The following MYO7B variants were observed in gnomAD, a reference collection of about 807,000 sequenced individuals.
MYO7B encodes the protein myosin VIIB.
MYO7B carries 212 observed loss-of-function variants against 259.7 expected under a neutral mutation model. That is an observed-to-expected ratio of 0.82 (90% CI 0.73 to 0.91). The LOEUF (loss-of-function observed/expected upper bound fraction) is 0.91, where lower values mean the gene tolerates loss of function less well. Ranked by LOEUF, MYO7B falls within the 40% of genes least tolerant of loss-of-function variation. MYO7B has a pLI of 0.00. For missense variants in MYO7B, 2,732 were observed against 2,813.5 expected, an observed-to-expected ratio of 0.97 and a Z score of 0.66; for synonymous variants, 1,197 against 1,166.4, an observed-to-expected ratio of 1.03 and a Z score of -0.54.
chr2:127,575,926 A>T (rs1678849210), intron 7 of MYO7B, among the ~76,000 whole-genome samples: 1 of 152,166 alleles, frequency 6.6e-6, no homozygotes, highest in African/African-American at 2.4e-5. Flanking sequence ...ATCTTTTAAC[A>T]CTACTGCATA....
chr2:127,574,515 G>A (rs1678784849), intron 7 of MYO7B, among the ~76,000 whole-genome samples: 1 of 152,222 alleles, frequency 6.6e-6, no homozygotes, highest in Non-Finnish European at 1.5e-5. Flanking sequence ...ACTCCAGCCT[G>A]GGCAACAGAG....
intron 27 of MYO7B, among the ~76,000 whole-genome samples, chr2:127,621,105 G>A (rs1032607854): frequency 1.3e-5 from 2 of 152,120 alleles, no homozygotes; most frequent in Non-Finnish European, 2.9e-5. Flanking sequence ...AGCCATCTGC[G>A]CATGGCACTC....
rs1164842409 is a variant in MYO7B, at chr2:127,592,803, C to A, written c.2002C>A (p.Arg668=). 1.9e-6 allele frequency: 3 copies of A among 1,609,956 alleles called. No individual in the cohort carries two copies. Among genetic ancestry groups the A allele is most frequent in the African/African-American group, 2.7e-5 (2 of 74,848 alleles). Residue 668 remains arginine, a synonymous_variant, in exon 17 of 48, where the codon CGG becomes AGG. Coordinates refer to ENST00000409816, the MANE Select transcript of MYO7B (RefSeq NM_001393586.1). ...NEYKKPLLFD[R]ELCLRQLRYS... is the part of the protein sequence containing the mutation. Reference sequence around the variant, plus strand: ...CGGTGTCCGCCCACAGCTGTTCGACCGGGAGCTGTGCCTGCGGCAGCTGCG... The same window carrying A: ...CGGTGTCCGCCCACAGCTGTTCGACAGGGAGCTGTGCCTGCGGCAGCTGCG...
At chr2:127,547,796 C>A (rs992844686) in intron 1 of MYO7B, among the ~76,000 whole-genome samples, 29 of 152,240 alleles carry the variant, frequency 1.9e-4, no homozygotes, top group Non-Finnish European at 3.1e-4. Context: ...CTTTTAATGT[C>A]TTTATCTCAT....
rs187963247 is a variant in MYO7B, at chr2:127,576,991, G to C, written c.849+283G>C. On this transcript the variant is annotated intron_variant, in intron 8 of 47. Transcript: ENST00000409816. The surrounding 1 kb of genome is among the most constrained non-coding windows in gnomAD (Gnocchi z 4.9). The stretch of plus-strand genomic sequence containing the variant: ...GGTCCCCACTGGATGACAGGCTCCC[G>C]GTGCCCAGTGGGCCACAGGGAGTTG... Among the ~76,000 whole-genome samples, 501 of 152,014 alleles carry C rather than the reference G, an allele frequency of 3.3e-3. 2 individuals carry two copies. Among genetic ancestry groups the C allele is most frequent in the African/African-American group, 0.012 (479 of 41,458 alleles).
At chr2:127,556,018 G>T (rs568505410) in intron 1 of MYO7B, among the ~76,000 whole-genome samples, 1 of 152,222 alleles carries the variant, frequency 6.6e-6, no homozygotes, top group Non-Finnish European at 1.5e-5. Flanking sequence ...GCTATTAATT[G>T]TGTTGCTGCT....
intron 24 of MYO7B, 108 bp from the exon 25 acceptor site, chr2:127,612,141 GA>G: frequency 2.1e-6 from 1 of 466,950 alleles, no homozygotes; most frequent in Non-Finnish European, 4.2e-6. Flanking sequence ...ATCGGGCCAG[GA>G]AATGGCTGGG....
rs182999287 is a variant in MYO7B, at chr2:127,551,302, T to C, written c.-23-8398T>C. Among the ~76,000 whole-genome samples the C allele has an allele frequency of 2.8e-3, 433 of 152,306 alleles. 4 individuals carry two copies. Among genetic ancestry groups the C allele is most frequent in the African/African-American group, 9.8e-3 (408 of 41,566 alleles). On this transcript the variant is annotated intron_variant, in intron 1 of 47. Coordinates refer to ENST00000409816, the MANE Select transcript of MYO7B (RefSeq NM_001393586.1). The stretch of plus-strand genomic sequence containing the variant: ...TGACTATAAAATTGTCGTCACAATG[T>C]TGGCTGAGCTATGGTGATCTGAAGC...
intron 21 of MYO7B, among the ~76,000 whole-genome samples, chr2:127,608,244 G>T (rs922038992): frequency 2.0e-5 from 3 of 152,212 alleles, no homozygotes; most frequent in Non-Finnish European, 4.4e-5. Context: ...CCATAGACAC[G>T]TCAGCAGCAT....
chr2:127,612,229 G>A (rs759257993), intron 24 of MYO7B, 21 bp from the exon 25 acceptor site: 50 of 603,922 alleles, frequency 8.3e-5, no homozygotes, highest in Admixed American at 2.2e-4. Context: ...ACCTTCCTGC[G>A]GGAACTGTCT....
intron 29 of MYO7B, 129 bp downstream of exon 29, chr2:127,623,504 G>C: frequency 1.0e-6 from 1 of 1,003,516 alleles, no homozygotes; most frequent in South Asian, 1.7e-5. Context: ...GCACAGCACT[G>C]CTTACCCTCC....
intron 6 of MYO7B, 42 bp downstream of exon 6, chr2:127,569,952 C>G (rs1223622795): frequency 6.3e-7 from 1 of 1,584,222 alleles, no homozygotes; most frequent in Non-Finnish European, 8.6e-7. Flanking sequence ...CCCAGCCCCC[C>G]TGGAGCCTTC....
chr2:127,584,859 G>A lies in MYO7B; in HGVS notation c.1636G>A (p.Asp546Asn). 1 of 1,613,912 alleles carries A rather than the reference G, an allele frequency of 6.2e-7. No homozygotes were observed. ...KAFLQPKNIH[D>N]ARFGIAHFAG... ...CTTCCTACAGCCCAAGAACATCCAC[G>A]ATGCCAGATTTGGCATTGCCCATTT... Residue 546 changes from aspartate (D) to asparagine (N), a missense_variant, in exon 14 of 48, where the codon GAT (aspartate) becomes AAT (asparagine). Asp to Asn is a conservative substitution (Grantham distance 23, BLOSUM62 1). Transcript: ENST00000409816. This position sits in a 1 kb window ranked among gnomAD's most constrained non-coding sequence, Gnocchi z 5.8.
rs1353260828 is a variant in MYO7B at position 127,634,269 on chromosome 2, T to C, written c.5605T>C (p.Phe1869Leu). 6.3e-7 allele frequency: 1 copy of C among 1,582,350 alleles called. No individual in the cohort carries two copies. The highest frequency in any genetic ancestry group is 1.4e-5 in the African/African-American group (1 of 73,272). ...QLASWEGCSLFIKISDKVISQ... is the reference protein window; with the variant it reads ...QLASWEGCSLLIKISDKVISQ... ...GGCCTCCTGGGAGGGCTGCAGCCTC[T>C]TCATCAAGATTTCAGACAAGGTGGG... is the stretch of plus-strand genomic sequence containing the variant. The change falls in exon 41 of 48, where the codon TTC becomes CTC. Residue 1869 changes from phenylalanine to leucine, a missense_variant. Coordinates refer to ENST00000409816, the MANE Select transcript of MYO7B (RefSeq NM_001393586.1).
At position 127,631,700 on chromosome 2, in the gene MYO7B, C is replaced by G. The variant is rs1290956503; in HGVS notation, c.5196C>G (p.Leu1732=). ...IFTLALQHPA[L]QDEVYCQILK... is the part of the protein sequence containing the mutation. ...CACTGGCCCTGCAGCACCCGGCCCT[C>G]CAGGACGAGGTCTACTGCCAGATCC... is the stretch of plus-strand genomic sequence containing the variant. The change falls in exon 38 of 48, where the codon CTC becomes CTG. Residue 1732 remains leucine, a synonymous_variant. Coordinates refer to ENST00000409816, the MANE Select transcript of MYO7B (RefSeq NM_001393586.1). 3 of 1,612,916 alleles carry G rather than the reference C, an allele frequency of 1.9e-6. No homozygotes were observed. The highest frequency in any genetic ancestry group is 2.7e-5 in the African/African-American group (2 of 74,940).
chr2:127,574,604 C>T (rs150855377), intron 7 of MYO7B, among the ~76,000 whole-genome samples: 136 of 152,344 alleles, frequency 8.9e-4, no homozygotes, highest in African/African-American at 3.1e-3. Context: ...TTGGTGCCTA[C>T]CATTCCTCAT....
At chr2:127,596,875 G>A (rs1679791836) in intron 19 of MYO7B, among the ~76,000 whole-genome samples, 1 of 152,260 alleles carries the variant, frequency 6.6e-6, no homozygotes, top group Non-Finnish European at 1.5e-5. Context: ...TGGGTTGTGA[G>A]GCAATTTGCT....
chr2:127,576,904 G>A lies in MYO7B; in HGVS notation c.849+196G>A, dbSNP rs749293104. On this transcript the variant is annotated intron_variant, in intron 8 of 47. Coordinates refer to ENST00000409816, the MANE Select transcript of MYO7B (RefSeq NM_001393586.1). The surrounding 1 kb of genome is among the most constrained non-coding windows in gnomAD (Gnocchi z 4.9). ...TTGCCCGCGTGCCTCCCGCTTCCCC[G>A]TCACATGTACCCCATGCCCCAGGCT... is the stretch of plus-strand genomic sequence containing the variant. 5.3e-5 allele frequency among the ~76,000 whole-genome samples: 8 copies of A among 151,996 alleles called. No homozygotes were observed. Among genetic ancestry groups the A allele is most frequent in the African/African-American group, 1.5e-4 (6 of 41,360 alleles).
At chr2:127,581,798 C>A in intron 10 of MYO7B, 93 bp from the exon 11 acceptor site, 2 of 1,557,388 alleles carry the variant, frequency 1.3e-6, no homozygotes, top group South Asian at 1.2e-5. Flanking sequence ...GGTGCTTGGT[C>A]ACGAGAGGGA....
Sources: gnomAD v4.1 joint callset for allele counts (sites outside exome capture counted in the v4.1 genomes callset) on GRCh38, gnomAD v4.1.1 for gene constraint, Gnocchi (gnomAD v3.1) non-coding constraint, MANE v1.5 for transcripts, NCBI Gene and HGNC (gene_info 2026-07-23, HGNC 2026-07-21) for gene names.